CTNNA3: variants seen among roughly 807,000 people sequenced by gnomAD.
CTNNA3 encodes catenin alpha 3, also known as catenin alpha-3.
In CTNNA3, 76 loss-of-function variants were observed where a neutral mutation model predicts 95.7. The ratio of observed to expected loss-of-function variants is 0.79; its 90% CI spans 0.66 to 0.96. The LOEUF is 0.96. Ranked by LOEUF, CTNNA3 falls within the 40% of genes least tolerant of loss-of-function variation. The pLI, the probability that CTNNA3 is intolerant of heterozygous loss-of-function variation, is 0.00. For missense variants in CTNNA3, 1,191 were observed against 1,089.8 expected, an observed-to-expected ratio of 1.09 and a Z score of -1.31; for synonymous variants, 431 against 374.4, an observed-to-expected ratio of 1.15 and a Z score of -1.74.
intron 10 of CTNNA3, among the ~76,000 whole-genome samples, chr10:66,593,387 A>G (rs1342283086): frequency 6.6e-6 from 1 of 152,176 alleles, no homozygotes; most frequent in African/African-American, 2.4e-5. Flanking sequence ...ACTCATGCAC[A>G]CCACTGGCTC....
intron 3 of CTNNA3, among the ~76,000 whole-genome samples, chr10:67,581,284 GT>G (rs1842385376): frequency 6.6e-6 from 1 of 152,124 alleles, no homozygotes; most frequent in South Asian, 2.1e-4. Flanking sequence ...GTTGAATTTT[GT>G]GAAAGGCCTT....
chr10:67,607,392 ATAAT>A (rs1226680291), intron 2 of CTNNA3, among the ~76,000 whole-genome samples: 1 of 152,200 alleles, frequency 6.6e-6, no homozygotes, highest in Non-Finnish European at 1.5e-5. Flanking sequence ...CAGAGAAAAC[ATAAT>A]TAAATAAATC....
At position 66,568,133 on chromosome 10, in the gene CTNNA3, G is replaced by T. The variant is rs563452373; in HGVS notation, c.1375-47360C>A. 7.3e-4 allele frequency among the ~76,000 whole-genome samples: 111 copies of T among 152,270 alleles called. No homozygotes were observed. The South Asian group carries it at 0.022, about 30-fold the overall frequency. On this transcript the variant is annotated intron_variant, in intron 10 of 17. Coordinates refer to ENST00000433211, the MANE Select transcript of CTNNA3 (RefSeq NM_013266.4). ...GCTTCTAACAGAAGAACAGACAAAA[G>T]AGAGCATAAAGAAGATATTAGCCAA...
intron 12 of CTNNA3, among the ~76,000 whole-genome samples, chr10:66,320,373 G>A (rs989466298): frequency 6.6e-6 from 1 of 151,986 alleles, no homozygotes; most frequent in Non-Finnish European, 1.5e-5. Context: ...TCCTTTTGAT[G>A]TCTATCTTGG....
chr10:66,590,015 A>G (rs574046990), intron 10 of CTNNA3, among the ~76,000 whole-genome samples: 2 of 152,226 alleles, frequency 1.3e-5, no homozygotes, highest in Admixed American at 1.3e-4. Context: ...GATTTTTTGA[A>G]AAAAAGTTTG....
At chr10:66,348,393 A>G (rs2092541252) in intron 12 of CTNNA3, among the ~76,000 whole-genome samples, 1 of 152,106 alleles carries the variant, frequency 6.6e-6, no homozygotes, top group South Asian at 2.1e-4. Flanking sequence ...CCATTTCCTC[A>G]TCTGTACAAT....
At chr10:66,255,284 A>C (rs775758233) in intron 13 of CTNNA3, among the ~76,000 whole-genome samples, 2 of 152,168 alleles carry the variant, frequency 1.3e-5, no homozygotes, top group African/African-American at 4.8e-5. Context: ...GGGAGGTCAA[A>C]ATCCCTCGCA....
intron 14 of CTNNA3, among the ~76,000 whole-genome samples, chr10:66,089,142 TC>T (rs1247096206): frequency 6.6e-6 from 1 of 152,016 alleles, no homozygotes; most frequent in African/African-American, 2.4e-5. Flanking sequence ...ATTTGGAACA[TC>T]CTTTACCATC....
At chr10:67,726,193 T>G (rs1417138053) in intron 1 of CTNNA3, among the ~76,000 whole-genome samples, 3 of 106,660 alleles carry the variant, frequency 2.8e-5, no homozygotes, top group South Asian at 2.8e-4. Flanking sequence ...TATTATAATA[T>G]ATAATATATC....
At chr10:67,211,733 T>C (rs759248102) in intron 6 of CTNNA3, among the ~76,000 whole-genome samples, 2 of 152,152 alleles carry the variant, frequency 1.3e-5, no homozygotes, top group Admixed American at 1.3e-4. Flanking sequence ...ACAGTCTCCA[T>C]CATTTGTCAC....
chr10:67,759,623 C>T (rs1841452095), intron 1 of CTNNA3, among the ~76,000 whole-genome samples: 1 of 152,210 alleles, frequency 6.6e-6, no homozygotes, highest in Non-Finnish European at 1.5e-5. Flanking sequence ...TAATCCCCTT[C>T]ACTTGTGCAG....
intron 11 of CTNNA3, among the ~76,000 whole-genome samples, chr10:66,388,070 T>C (rs1217833591): frequency 2.0e-5 from 3 of 152,130 alleles, no homozygotes; most frequent in African/African-American, 7.2e-5. Context: ...GTTGTGCACA[T>C]GTACCCTAGA....
intron 7 of CTNNA3, among the ~76,000 whole-genome samples, chr10:67,172,844 G>A (rs1403040992): frequency 1.3e-5 from 2 of 151,998 alleles, no homozygotes; most frequent in Non-Finnish European, 2.9e-5. Context: ...CTATGGTGGT[G>A]TACACATGTA....
chr10:66,287,363 C>A (rs12242969), intron 12 of CTNNA3, among the ~76,000 whole-genome samples: 5,510 of 152,132 alleles, frequency 0.036, 326 homozygotes, highest in African/African-American at 0.13. Flanking sequence ...TGTACTCAGC[C>A]ACTTCTAAAA....
intron 7 of CTNNA3, among the ~76,000 whole-genome samples, chr10:66,850,346 A>AT (rs1382891389): frequency 1.3e-5 from 2 of 152,310 alleles, no homozygotes; most frequent in Admixed American, 1.3e-4. Flanking sequence ...TATGGGACAC[A>AT]TAAGATTGTG....
At chr10:67,648,757 T>G in intron 1 of CTNNA3, 1 of 1,289,796 alleles carries the variant, frequency 7.8e-7, no homozygotes, top group South Asian at 1.2e-5. Context: ...CTCTCTCCTT[T>G]GCGTTGATTT....
intron 13 of CTNNA3, among the ~76,000 whole-genome samples, chr10:66,231,888 C>T (rs1362031259): frequency 1.3e-5 from 2 of 152,146 alleles, no homozygotes; most frequent in Admixed American, 1.3e-4. Context: ...CTCCTCCTTA[C>T]TCTCTGATTT....
intron 9 of CTNNA3, among the ~76,000 whole-genome samples, chr10:66,694,338 A>G (rs1332439317): frequency 1.3e-5 from 2 of 152,160 alleles, no homozygotes; most frequent in African/African-American, 4.8e-5. Flanking sequence ...AAACACCTCT[A>G]TGCAAATAAA....
chr10:66,504,900 A>AT (rs1415669606), intron 11 of CTNNA3, among the ~76,000 whole-genome samples: 2 of 152,194 alleles, frequency 1.3e-5, no homozygotes. Flanking sequence ...ATATTTTATC[A>AT]TTCACAGCCT....
Sources: gnomAD v4.1 joint callset for allele counts (sites outside exome capture counted in the v4.1 genomes callset) on GRCh38, gnomAD v4.1.1 for gene constraint, MANE v1.5 for transcripts, NCBI Gene and HGNC (gene_info 2026-07-23, HGNC 2026-07-21) for gene names.